ANO6: variants seen among roughly 807,000 people sequenced by gnomAD.
The protein encoded by ANO6 is anoctamin-6.
A neutral mutation model predicts 117.5 loss-of-function variants in ANO6; 106 were observed. The observed-to-expected ratio is 0.90, with a 90% confidence interval of 0.77 to 1.06. The LOEUF is 1.06. Among genes scored for constraint, ANO6 ranks in the 50% least tolerant of loss-of-function variants. The pLI is 0.00. For missense variants in ANO6, 955 were observed against 1,121.1 expected (o/e 0.85, Z 2.12); for synonymous variants, 367 against 385.1 (o/e 0.95, Z 0.55).
chr12:45,240,877 C>T (rs1005077546), intron 1 of ANO6, among the ~76,000 whole-genome samples: 1 of 152,170 alleles, frequency 6.6e-6, no homozygotes, highest in African/African-American at 2.4e-5. Context: ...TGAATATTGG[C>T]CCCCACTCTT....
intron 1 of ANO6, among the ~76,000 whole-genome samples, chr12:45,285,519 G>A (rs547095698): frequency 6.6e-6 from 1 of 152,218 alleles, no homozygotes; most frequent in East Asian, 1.9e-4. Context: ...TGAGGCAGGC[G>A]AATCACAGGT....
intron 3 of ANO6, among the ~76,000 whole-genome samples, chr12:45,335,022 A>G (rs1940785895): frequency 6.6e-6 from 1 of 152,054 alleles, no homozygotes; most frequent in African/African-American, 2.4e-5. Flanking sequence ...TAGGTAGTAC[A>G]AAAACAGTGG....
intron 1 of ANO6, among the ~76,000 whole-genome samples, chr12:45,244,407 G>A (rs376341806): frequency 1.2e-4 from 18 of 146,710 alleles, no homozygotes; most frequent in East Asian, 4.0e-4. Flanking sequence ...TCTATTTGGG[G>A]GGGGGGGGTG....
chr12:45,256,087 G>A (rs931324964), intron 1 of ANO6, among the ~76,000 whole-genome samples: 3 of 151,962 alleles, frequency 2.0e-5, no homozygotes, highest in African/African-American at 7.3e-5. Context: ...GCCTCCCAAG[G>A]TGCTGGGATT....
At chr12:45,328,501 T>C (rs1183690664) in intron 2 of ANO6, among the ~76,000 whole-genome samples, 2 of 152,192 alleles carry the variant, frequency 1.3e-5, no homozygotes, top group Non-Finnish European at 1.5e-5. Flanking sequence ...GTTCTACTTA[T>C]TACTCATGCC....
At chr12:45,363,091 G>A (rs959320980) in intron 8 of ANO6, among the ~76,000 whole-genome samples, 3 of 151,960 alleles carry the variant, frequency 2.0e-5, no homozygotes, top group African/African-American at 7.2e-5. Flanking sequence ...CACAATGCTT[G>A]GGACCAGAAG....
rs1410913151 is a variant in ANO6 at position 45,304,933 on chromosome 12, A to G, written c.150+2840A>G. Among the ~76,000 whole-genome samples, 3 of 152,214 alleles carry G rather than the reference A, an allele frequency of 2.0e-5. No homozygotes were observed. In the South Asian group the frequency reaches 6.2e-4, roughly 31 times the overall value. On this transcript the variant is annotated intron_variant, in intron 2 of 19. Transcript: ENST00000320560. Reference sequence around the variant, plus strand: ...ACCTCCCAAGTGGCCTGGAGACCACAGCCTACCTTGCTCTTGGCAGCATCC... The same window carrying G: ...ACCTCCCAAGTGGCCTGGAGACCACGGCCTACCTTGCTCTTGGCAGCATCC...
rs755641671 is a variant in ANO6 at position 45,403,076 on chromosome 12, C to T, written c.1617C>T (p.Leu539=). Residue 539 remains leucine, a synonymous_variant, in exon 14 of 20, where the codon CTC becomes CTT. Transcript: ENST00000320560. ...KVAIMITNFE[L]PRTQTDYENS... is the part of the protein sequence containing the mutation. ...TTCTCTTTCTTTTAACTACAGAACT[C>T]CCAAGGACCCAGACTGATTATGAGA... 12 of 1,613,712 alleles carry T rather than the reference C, an allele frequency of 7.4e-6. No individual in the cohort carries two copies. The African/African-American group carries it at 1.6e-4, about 22-fold the overall frequency.
chr12:45,322,516 A>G (rs2137372651), intron 2 of ANO6, among the ~76,000 whole-genome samples: 1 of 152,280 alleles, frequency 6.6e-6, no homozygotes, highest in African/African-American at 2.4e-5. Context: ...AGAGTAACTA[A>G]TGGTTTTTGA....
chr12:45,371,604 G>A (rs1941838454), intron 9 of ANO6, among the ~76,000 whole-genome samples: 1 of 152,024 alleles, frequency 6.6e-6, no homozygotes, highest in Non-Finnish European at 1.5e-5. Context: ...GGGGCACACT[G>A]ACACCTCACA....
chr12:45,283,668 A>G (rs1212572081), intron 1 of ANO6, among the ~76,000 whole-genome samples: 1 of 152,232 alleles, frequency 6.6e-6, no homozygotes, highest in Admixed American at 6.5e-5. Flanking sequence ...AGGAAGAGTT[A>G]GATTTAAAAG....
At chr12:45,250,563 A>T (rs1947886183) in intron 1 of ANO6, among the ~76,000 whole-genome samples, 1 of 151,352 alleles carries the variant, frequency 6.6e-6, no homozygotes, top group African/African-American at 2.4e-5. Context: ...CAGCTAATTA[A>T]ATTTTTTTGT....
chr12:45,226,859 TA>T (rs1399784350), intron 1 of ANO6, among the ~76,000 whole-genome samples: 1 of 151,674 alleles, frequency 6.6e-6, no homozygotes, highest in Non-Finnish European at 1.5e-5. Flanking sequence ...AAATTTTTAT[TA>T]TAATTTATAT....
intron 1 of ANO6, among the ~76,000 whole-genome samples, chr12:45,298,001 A>C (rs1254954189): frequency 6.6e-6 from 1 of 152,224 alleles, no homozygotes; most frequent in Non-Finnish European, 1.5e-5. Context: ...CTTACCACAC[A>C]GTGTGCAAAA....
intron 9 of ANO6, among the ~76,000 whole-genome samples, chr12:45,373,588 G>A (rs962866577): frequency 2.6e-5 from 4 of 152,118 alleles, no homozygotes; most frequent in Admixed American, 6.5e-5. Context: ...CATGGAAACT[G>A]AACAACCTGC....
At chr12:45,262,486 C>T (rs911429322) in intron 1 of ANO6, among the ~76,000 whole-genome samples, 6 of 151,800 alleles carry the variant, frequency 4.0e-5, no homozygotes, top group South Asian at 2.1e-4. Flanking sequence ...TGCAATGGCG[C>T]GATCTCTGGC....
At chr12:45,327,536 T>C (rs1030175621) in intron 2 of ANO6, among the ~76,000 whole-genome samples, 2 of 152,168 alleles carry the variant, frequency 1.3e-5, no homozygotes, top group Non-Finnish European at 2.9e-5. Context: ...TGCTCATCAG[T>C]GGAGGAACTG....
Position 45,348,196 on chromosome 12 carries a change from G to A in ANO6, c.514G>A (p.Glu172Lys). 3.7e-6 allele frequency: 6 copies of A among 1,613,994 alleles called. No individual in the cohort carries two copies. Among genetic ancestry groups the A allele is most frequent in the East Asian group, 2.2e-5 (1 of 44,872 alleles). The change falls in exon 5 of 20, where the codon GAA becomes AAA. Residue 172 changes from glutamate to lysine, a missense_variant. Coordinates refer to ENST00000320560, the MANE Select transcript of ANO6 (RefSeq NM_001025356.3). The stretch of plus-strand genomic sequence containing the variant: ...GTTTACCAAAGTCCTCAGTGTAGAC[G>A]AAAGCATCATCAAGCCAGAGCAAGA... ...NWFTKVLSVDESIIKPEQEFF... is the reference protein window; with the variant it reads ...NWFTKVLSVDKSIIKPEQEFF...
chr12:45,319,893 G>C (rs959582944), intron 2 of ANO6, among the ~76,000 whole-genome samples: 2 of 152,214 alleles, frequency 1.3e-5, no homozygotes, highest in Non-Finnish European at 2.9e-5. Context: ...AGATTTTCTA[G>C]TTTATTGGCG....
Sources: gnomAD v4.1 joint callset for allele counts (sites outside exome capture counted in the v4.1 genomes callset) on GRCh38, gnomAD v4.1.1 for gene constraint, MANE v1.5 for transcripts, NCBI Gene and HGNC (gene_info 2026-07-23, HGNC 2026-07-21) for gene names.